CHURC1: variants seen among roughly 807,000 people sequenced by gnomAD.
The protein encoded by CHURC1 is protein Churchill.
A neutral mutation model predicts 15.4 loss-of-function variants in CHURC1; 12 were observed. The observed-to-expected ratio is 0.78, with a 90% CI of 0.50 to 1.27. The LOEUF (loss-of-function observed/expected upper bound fraction) is 1.27, where lower values mean the gene tolerates loss of function less well. CHURC1 is among the 50% of genes most tolerant of loss of function. The pLI, the probability that CHURC1 is intolerant of heterozygous loss-of-function variation, is 0.00. For synonymous variants in CHURC1, 42 were observed against 47.5 expected, an observed-to-expected ratio of 0.88 and a Z score of 0.48; for missense variants, 132 against 137.8, an observed-to-expected ratio of 0.96 and a Z score of 0.21.
intron 1 of CHURC1, among the ~76,000 whole-genome samples, chr14:64,915,486 G>A (rs1289250144): frequency 6.6e-6 from 1 of 152,240 alleles, no homozygotes; most frequent in Non-Finnish European, 1.5e-5. Flanking sequence ...CATCATCTAA[G>A]ACTTGAAGGA....
Position 64,934,359 on chromosome 14 carries a change from CAA to C in CHURC1, c.*2132_*2133del. 1 of 921,306 alleles carries C rather than the reference CAA, an allele frequency of 1.1e-6. No homozygotes were observed. Among genetic ancestry groups the C allele is most frequent in the Non-Finnish European group, 1.3e-6 (1 of 774,504 alleles). 57.1% of individuals were successfully genotyped at this position (921,306 alleles called of 1,614,324 possible). A position where few individuals can be genotyped will look rare whatever the true frequency, so the allele number is the denominator to read the frequency against. ...CAAGACTCCATCTCAAAAACAAAAA[CAA>C]AACAAAACAACAACAAAAAAAGAAG... On this transcript the variant is annotated 3_prime_UTR_variant, in exon 4 of 4. Coordinates refer to ENST00000549115, the MANE Select transcript of CHURC1 (RefSeq NM_001386928.1).
intron 1 of CHURC1, among the ~76,000 whole-genome samples, chr14:64,915,257 G>A (rs971018380): frequency 2.0e-5 from 3 of 152,204 alleles, no homozygotes; most frequent in African/African-American, 7.2e-5. Flanking sequence ...CTTGGCCTCC[G>A]AAAGTGCTGG....
At chr14:64,917,424 G>A (rs1354279375) in intron 1 of CHURC1, among the ~76,000 whole-genome samples, 2 of 152,212 alleles carry the variant, frequency 1.3e-5, no homozygotes, top group Admixed American at 6.5e-5. Flanking sequence ...TTAGCTGGGT[G>A]TGGTGGGAGG....
chr14:64,924,631 C>T (rs932652094), intron 2 of CHURC1: 1 of 152,044 alleles, frequency 6.6e-6, no homozygotes. Flanking sequence ...CTTCTCCAAT[C>T]TCACTGTCAG....
chr14:64,922,315 A>C (rs1884360182), intron 1 of CHURC1, among the ~76,000 whole-genome samples: 2 of 152,254 alleles, frequency 1.3e-5, no homozygotes, highest in South Asian at 4.1e-4. Flanking sequence ...ACAGTGGCTC[A>C]TTCCTGTAAT....
Position 64,932,081 on chromosome 14 carries a change from T to C in CHURC1, c.247-57T>C, listed in dbSNP as rs1885107574. 10 of 1,583,542 alleles carry C rather than the reference T, an allele frequency of 6.3e-6. No individual in the cohort carries two copies. The Admixed American group carries it at 1.8e-4, about 28-fold the overall frequency. The stretch of plus-strand genomic sequence containing the variant: ...AGAGAACATCTTAACTAGAGTAAGT[T>C]ATAAAGCATCTTTTTCCCTGTTCCT... On this transcript the variant is annotated intron_variant, in intron 3 of 3. Transcript: ENST00000549115.
Position 64,934,723 on chromosome 14 carries a change from C to T in CHURC1, c.*2493C>T, listed in dbSNP as rs1885246021. 4.1e-6 allele frequency: 4 copies of T among 985,292 alleles called. No homozygotes were observed. The highest frequency in any genetic ancestry group is 4.8e-6 in the Non-Finnish European group (4 of 829,938). The allele number at this position is 985,292 out of a possible 1,614,324, so 61.0% of individuals were successfully genotyped here. Reference sequence around the variant, plus strand: ...AATAGCAGCATTAAGCCCATTATAGCCTCTGAATTGTCCCTTCCTTGAGTT... The same window carrying T: ...AATAGCAGCATTAAGCCCATTATAGTCTCTGAATTGTCCCTTCCTTGAGTT... On this transcript the variant is annotated 3_prime_UTR_variant, in exon 4 of 4. Coordinates refer to ENST00000549115, the MANE Select transcript of CHURC1 (RefSeq NM_001386928.1).
intron 1 of CHURC1, among the ~76,000 whole-genome samples, chr14:64,915,593 GTC>G (rs1451414109): frequency 6.6e-6 from 1 of 152,124 alleles, no homozygotes; most frequent in Non-Finnish European, 1.5e-5. Context: ...GAGGGAGAAA[GTC>G]TCTGTAGTTC....
chr14:64,916,292 C>T (rs965239389), intron 1 of CHURC1, among the ~76,000 whole-genome samples: 4 of 152,120 alleles, frequency 2.6e-5, no homozygotes, highest in Non-Finnish European at 4.4e-5. Flanking sequence ...AGTGGTTACT[C>T]CTAAGGGATT....
intron 3 of CHURC1, among the ~76,000 whole-genome samples, chr14:64,927,697 C>G (rs1464949260): frequency 1.4e-5 from 2 of 144,890 alleles, no homozygotes; most frequent in African/African-American, 5.3e-5. Context: ...CTCTCTACTC[C>G]CAGTCTACTT....
In CHURC1 at chr14:64,935,311, G is replaced by A. The variant is rs895717767; in HGVS notation, c.*3081G>A. On this transcript the variant is annotated 3_prime_UTR_variant, in exon 4 of 4. Coordinates refer to ENST00000549115, the MANE Select transcript of CHURC1 (RefSeq NM_001386928.1). ...TAACTAACCTGCACATCGTGCACAT[G>A]TACCCTAAAACTTAAAGTATAATAA... 6 of 725,240 alleles carry A rather than the reference G, an allele frequency of 8.3e-6. No individual in the cohort carries two copies. The highest frequency in any genetic ancestry group is 1.0e-5 in the Non-Finnish European group (6 of 593,160). The allele number at this position is 725,240 out of a possible 1,614,324, so 44.9% of individuals were successfully genotyped here.
chr14:64,926,193 T>A, intron 3 of CHURC1, 113 bp downstream of exon 3: 2 of 564,582 alleles, frequency 3.5e-6, no homozygotes, highest in Non-Finnish European at 5.7e-6. Context: ...CGTTAGCATA[T>A]ATTAAAGGAG....
chr14:64,933,779 A>G lies in CHURC1; in HGVS notation c.*1549A>G, dbSNP rs1195405129. ...GGTCTTATAAGAACAAGAAATGAGC[A>G]AAGTGTTCATTGTAGATACTAGGGA... is the stretch of plus-strand genomic sequence containing the variant. On this transcript the variant is annotated 3_prime_UTR_variant, in exon 4 of 4. Coordinates refer to ENST00000549115, the MANE Select transcript of CHURC1 (RefSeq NM_001386928.1). 6.1e-6 allele frequency: 6 copies of G among 985,326 alleles called. No individual in the cohort carries two copies. The South Asian group carries it at 2.3e-4, about 39-fold the overall frequency. The allele number at this position is 985,326 out of a possible 1,614,324, so 61.0% of individuals were successfully genotyped here.
intron 2 of CHURC1, among the ~76,000 whole-genome samples, chr14:64,925,583 G>T (rs1884620411): frequency 6.6e-6 from 1 of 150,896 alleles, no homozygotes; most frequent in Non-Finnish European, 1.5e-5. Context: ...TATCCTCCCA[G>T]CTACTCAGGA....
intron 1 of CHURC1, among the ~76,000 whole-genome samples, chr14:64,921,606 A>T (rs143833035): frequency 6.6e-6 from 1 of 152,212 alleles, no homozygotes; most frequent in Non-Finnish European, 1.5e-5. Context: ...TAAAACTACA[A>T]TGAGATACCA....
chr14:64,924,204 T>C (rs1884521055), intron 2 of CHURC1, 78 bp downstream of exon 2: 19 of 1,455,880 alleles, frequency 1.3e-5, no homozygotes, highest in Non-Finnish European at 1.5e-5. Flanking sequence ...CACAAAATAT[T>C]CTGAGGCCTA....
chr14:64,928,423 T>A (rs555948230), intron 3 of CHURC1, among the ~76,000 whole-genome samples: 18 of 152,060 alleles, frequency 1.2e-4, no homozygotes, highest in South Asian at 6.2e-4. Flanking sequence ...ATTTAAAAAA[T>A]TTTTTTTGTA....
At chr14:64,916,007 G>C (rs1883858161) in intron 1 of CHURC1, among the ~76,000 whole-genome samples, 1 of 152,180 alleles carries the variant, frequency 6.6e-6, no homozygotes, top group Non-Finnish European at 1.5e-5. Flanking sequence ...AATGGGTGAT[G>C]CAAGGGATGC....
At chr14:64,915,122 ATT>A (rs1883776892) in intron 1 of CHURC1, among the ~76,000 whole-genome samples, 1 of 152,180 alleles carries the variant, frequency 6.6e-6, no homozygotes, top group South Asian at 2.1e-4. Context: ...CTTGTTGAAC[ATT>A]TATATATGTG....
Sources: gnomAD v4.1 joint callset for allele counts (sites outside exome capture counted in the v4.1 genomes callset) on GRCh38, gnomAD v4.1.1 for gene constraint, MANE v1.5 for transcripts, NCBI Gene and HGNC (gene_info 2026-07-23, HGNC 2026-07-21) for gene names.